The following MAP1B variants were observed in gnomAD, a reference collection of about 807,000 sequenced individuals.
MAP1B encodes the protein microtubule associated protein 1B.
MAP1B carries 12 observed loss-of-function variants against 176.1 expected under a neutral mutation model. The observed-to-expected ratio is 0.07, with a 90% confidence interval of 0.04 to 0.11. The LOEUF is 0.11. Ranked by LOEUF, MAP1B falls within the 10% of genes least tolerant of loss-of-function variation. MAP1B has a pLI of 1.00. For missense variants in MAP1B, 2,523 were observed against 2,990.5 expected, an observed-to-expected ratio of 0.84 and a Z score of 3.65; for synonymous variants, 1,044 against 1,135.0, an observed-to-expected ratio of 0.92 and a Z score of 1.61.
chr5:72,169,998 CTT>C (rs575078910), intron 2 of MAP1B, among the ~76,000 whole-genome samples: 110 of 152,280 alleles, frequency 7.2e-4, no homozygotes, highest in Admixed American at 3.1e-3. Flanking sequence ...AAACAACACT[CTT>C]TATTTAAAAC....
In MAP1B at chr5:72,203,654, T is replaced by C. The variant is rs759210419; in HGVS notation, c.7104T>C (p.Asn2368=). 8 of 1,613,936 alleles carry C rather than the reference T, an allele frequency of 5.0e-6. No homozygotes were observed. Among genetic ancestry groups the C allele is most frequent in the Non-Finnish European group, 5.9e-6 (7 of 1,179,992 alleles). Reference sequence around the variant, plus strand: ...TGTGCTACATTCCTAACCACAGCAATAGTAAGAATGTTGATGTGGAATTTT... The same window carrying C: ...TGTGCTACATTCCTAACCACAGCAACAGTAAGAATGTTGATGTGGAATTTT... ...LDLCYIPNHS[N]SKNVDVEFFK... is the part of the protein sequence containing the mutation. The change falls in exon 6 of 7, where the codon AAT becomes AAC. Residue 2368 remains asparagine (N), a synonymous_variant. Coordinates refer to ENST00000296755, the MANE Select transcript of MAP1B (RefSeq NM_005909.5).
At chr5:72,110,093 GTAT>G (rs1745298843) in intron 1 of MAP1B, among the ~76,000 whole-genome samples, 1 of 152,172 alleles carries the variant, frequency 6.6e-6, no homozygotes, top group Non-Finnish European at 1.5e-5. Flanking sequence ...TTCGGTTGAA[GTAT>G]TATATAGAGA....
At chr5:72,167,493 C>T (rs1746453501) in intron 2 of MAP1B, among the ~76,000 whole-genome samples, 2 of 152,170 alleles carry the variant, frequency 1.3e-5, no homozygotes, top group Non-Finnish European at 2.9e-5. Flanking sequence ...CACAACTGAG[C>T]CCACTTAAAA....
Position 72,204,958 on chromosome 5 carries a change from G to T in MAP1B, c.7252-126G>T. On this transcript the variant is annotated intron_variant, in intron 6 of 6. Transcript: ENST00000296755. This position sits in a 1 kb window ranked among gnomAD's most constrained non-coding sequence, Gnocchi z 4.4. The stretch of plus-strand genomic sequence containing the variant: ...TGAAAAATCCTTTGCATTTCTTGAG[G>T]AAAATAGAAAAGTTTTCTCTCATTT... The T allele has an allele frequency of 1.6e-6, 1 of 618,552 alleles. No homozygotes were observed. Among genetic ancestry groups the T allele is most frequent in the East Asian group, 2.9e-5 (1 of 34,142 alleles). 38.3% of individuals were successfully genotyped at this position (618,552 alleles called of 1,614,324 possible).
chr5:72,167,624 C>T (rs1746455849), intron 2 of MAP1B, among the ~76,000 whole-genome samples: 1 of 152,126 alleles, frequency 6.6e-6, no homozygotes, highest in African/African-American at 2.4e-5. Flanking sequence ...TAAAAACAGA[C>T]CAAGATATTA....
rs189228737 is a variant in MAP1B, at chr5:72,142,054, C to T, written c.286+26255C>T. The stretch of plus-strand genomic sequence containing the variant: ...TTTTTATTATTTCTGGAATGCAGTC[C>T]CCAGCCCCAAATCCTAATATGCTGA... On this transcript the variant is annotated intron_variant, in intron 2 of 6. Coordinates refer to ENST00000296755, the MANE Select transcript of MAP1B (RefSeq NM_005909.5). Among the ~76,000 whole-genome samples the T allele has an allele frequency of 5.3e-5, 8 of 152,234 alleles. No homozygotes were observed. The East Asian group carries it at 1.5e-3, about 29-fold the overall frequency.
chr5:72,166,423 T>C (rs1746430487), intron 2 of MAP1B, among the ~76,000 whole-genome samples: 1 of 152,112 alleles, frequency 6.6e-6, no homozygotes, highest in African/African-American at 2.4e-5. Context: ...TTTGTAAAAA[T>C]GCATGTAAAT....
chr5:72,197,742 A>T lies in MAP1B; in HGVS notation c.4387A>T (p.Thr1463Ser). The change falls in exon 5 of 7, where the codon ACA becomes TCA. Residue 1463 changes from threonine to serine, a missense_variant. This residue lies in a region of MAP1B where 1,925 missense variants were observed against 2,126.0 expected (regional missense o/e 0.91). Coordinates refer to ENST00000296755, the MANE Select transcript of MAP1B (RefSeq NM_005909.5). ...LYQDKQEGKS[T>S]DFAPIKEDFG... is the part of the protein sequence containing the mutation. The stretch of plus-strand genomic sequence containing the variant: ...CCAAGACAAACAGGAAGGGAAAAGC[A>T]CAGACTTTGCACCAATAAAAGAAGA... 1 of 1,614,234 alleles carries T rather than the reference A, an allele frequency of 6.2e-7. No individual in the cohort carries two copies. The highest frequency in any genetic ancestry group is 8.5e-7 in the Non-Finnish European group (1 of 1,180,038).
In MAP1B at chr5:72,145,374, T is replaced by TA. The variant is rs34274192; in HGVS notation, c.286+29587dup. On this transcript the variant is annotated intron_variant, in intron 2 of 6. Transcript: ENST00000296755. ...AATCTTTGGCAGCAACCCATATGCT[T>TA]AAAAAAAAAAAAGAGGGAACCGTGT... 7.2e-4 allele frequency among the ~76,000 whole-genome samples: 105 copies of TA among 145,200 alleles called. 1 individual carries two copies. The highest frequency in any genetic ancestry group is 8.8e-4 in the South Asian group (4 of 4,552).
intron 2 of MAP1B, among the ~76,000 whole-genome samples, chr5:72,127,514 G>A (rs568524507): frequency 7.2e-5 from 11 of 152,006 alleles, no homozygotes; most frequent in East Asian, 3.9e-4. Flanking sequence ...AAACCTAGGC[G>A]TCTGATGGGT....
At chr5:72,112,450 C>T (rs1308122442) in intron 1 of MAP1B, among the ~76,000 whole-genome samples, 1 of 152,156 alleles carries the variant, frequency 6.6e-6, no homozygotes, top group Non-Finnish European at 1.5e-5. Flanking sequence ...GAGTACCTGA[C>T]TTCTCCTCAT....
intron 2 of MAP1B, among the ~76,000 whole-genome samples, chr5:72,147,905 G>A (rs1746074203): frequency 6.6e-6 from 1 of 152,124 alleles, no homozygotes; most frequent in Non-Finnish European, 1.5e-5. Flanking sequence ...CCGGATCCAA[G>A]TTAACATGAA....
intron 2 of MAP1B, among the ~76,000 whole-genome samples, chr5:72,138,234 AAG>A (rs1225285964): frequency 6.6e-6 from 1 of 152,224 alleles, no homozygotes; most frequent in African/African-American, 2.4e-5. Context: ...TGGGTGGAGA[AAG>A]ACACACATAT....
At chr5:72,157,942 C>T (rs1275702917) in intron 2 of MAP1B, among the ~76,000 whole-genome samples, 4 of 151,304 alleles carry the variant, frequency 2.6e-5, no homozygotes, top group East Asian at 1.9e-4. Flanking sequence ...CGGGTCCAAG[C>T]GATTCTCCTG....
intron 2 of MAP1B, among the ~76,000 whole-genome samples, chr5:72,180,873 GTGTCTGTGCCT>G (rs1362467429): frequency 6.6e-6 from 1 of 151,986 alleles, no homozygotes; most frequent in East Asian, 1.9e-4. Flanking sequence ...TTGGCATTTG[GTGTCTGTGCCT>G]TGTCTGTTTT....
chr5:72,115,841 G>A (rs762190905), intron 2 of MAP1B, 42 bp downstream of exon 2: 4 of 1,378,354 alleles, frequency 2.9e-6, no homozygotes, highest in Non-Finnish European at 4.1e-6. Flanking sequence ...GAATTCCAAA[G>A]GACAAGGAGC....
In MAP1B at chr5:72,195,944, C is replaced by T. The variant is rs767871430; in HGVS notation, c.2589C>T (p.Asp863=). The stretch of plus-strand genomic sequence containing the variant: ...AGCCTCAGCTGGAGCTAATCGAAGA[C>T]GAAGAGAAACTGAAGGAAACTGAGC... ...DIKPQLELIE[D]EEKLKETEPV... Residue 863 remains aspartate, a synonymous_variant, in exon 5 of 7, where the codon GAC becomes GAT. Coordinates refer to ENST00000296755, the MANE Select transcript of MAP1B (RefSeq NM_005909.5). The T allele has an allele frequency of 2.4e-5, 39 of 1,614,004 alleles. No homozygotes were observed. Among genetic ancestry groups the T allele is most frequent in the South Asian group, 7.7e-5 (7 of 91,090 alleles).
chr5:72,188,345 G>A (rs1746957862), intron 4 of MAP1B, among the ~76,000 whole-genome samples: 1 of 152,236 alleles, frequency 6.6e-6, no homozygotes, highest in African/African-American at 2.4e-5. Flanking sequence ...GAAAGCTGCA[G>A]AAGGCTGGAA....
At chr5:72,110,837 A>C (rs987033403) in intron 1 of MAP1B, among the ~76,000 whole-genome samples, 1 of 152,222 alleles carries the variant, frequency 6.6e-6, no homozygotes, top group Non-Finnish European at 1.5e-5. Flanking sequence ...ATCTGTAGAG[A>C]CATGGTGGTA....
Sources: allele counts gnomAD v4.1 joint callset (sites outside exome capture counted in the v4.1 genomes callset), GRCh38; gene constraint gnomAD v4.1.1; regional missense constraint gnomAD v4.1.1; non-coding constraint Gnocchi (gnomAD v3.1); transcripts MANE v1.5; gene names NCBI Gene and HGNC (gene_info 2026-07-23, HGNC 2026-07-21).